Variants in KCNAB1 observed in about 807,000 individuals in gnomAD.
KCNAB1 encodes potassium voltage-gated channel subfamily A regulatory beta subunit 1.
Under a neutral mutation model 64.6 loss-of-function variants are expected in KCNAB1, and 35 were observed. The observed-to-expected ratio is 0.54, with a 90% confidence interval of 0.41 to 0.72. KCNAB1 has a LOEUF of 0.72. KCNAB1 is among the 30% of genes least tolerant of loss of function. The pLI, the probability that KCNAB1 is intolerant of heterozygous loss-of-function variation, is 0.00. For synonymous variants in KCNAB1, 177 were observed against 183.8 expected (o/e 0.96, Z 0.30); for missense variants, 401 against 512.9 (o/e 0.78, Z 2.11).
intron 8 of KCNAB1, among the ~76,000 whole-genome samples, chr3:156,505,848 G>C (rs180825525): frequency 1.5e-3 from 225 of 152,212 alleles, no homozygotes; most frequent in African/African-American, 5.0e-3. Flanking sequence ...GGGAGTAAGA[G>C]AGAGAGAAAA....
chr3:156,315,068 G>A (rs1722186922), intron 1 of KCNAB1, among the ~76,000 whole-genome samples: 1 of 152,136 alleles, frequency 6.6e-6, no homozygotes, highest in Admixed American at 6.5e-5. Context: ...CTGGCATCAC[G>A]TAAGCAAGAG....
chr3:156,221,408 C>A (rs1239185029), intron 1 of KCNAB1, among the ~76,000 whole-genome samples: 1 of 152,152 alleles, frequency 6.6e-6, no homozygotes, highest in Non-Finnish European at 1.5e-5. Context: ...ATCAGATTAA[C>A]AGATTTCTCA....
chr3:156,361,981 C>T (rs139967702), intron 1 of KCNAB1, among the ~76,000 whole-genome samples: 2 of 152,286 alleles, frequency 1.3e-5, no homozygotes, highest in East Asian at 3.9e-4. Context: ...TATATTTATT[C>T]AACAAATATT....
chr3:156,402,225 C>T (rs111901013), intron 1 of KCNAB1, among the ~76,000 whole-genome samples: 43 of 151,016 alleles, frequency 2.8e-4, no homozygotes, highest in Non-Finnish European at 5.9e-4. Flanking sequence ...ACAATCTTAG[C>T]GTTTCATAAT....
rs1716601253 is a variant in KCNAB1 at position 156,232,641 on chromosome 3, G to A, written c.275+111755G>A. 2.0e-5 allele frequency among the ~76,000 whole-genome samples: 3 copies of A among 152,330 alleles called. 1 individual carries two copies. The highest frequency in any genetic ancestry group is 6.5e-5 in the Admixed American group (1 of 15,310). The stretch of plus-strand genomic sequence containing the variant: ...TCCTATCTTTGTGGATGTCCACAAG[G>A]CAGAAATGCAAAGGTGGTTTTTCAC... On this transcript the variant is annotated intron_variant, in intron 1 of 13. Coordinates refer to ENST00000490337, the MANE Select transcript of KCNAB1 (RefSeq NM_172160.3).
chr3:156,268,238 G>A (rs1456872190), intron 1 of KCNAB1, among the ~76,000 whole-genome samples: 9 of 152,096 alleles, frequency 5.9e-5, no homozygotes, highest in African/African-American at 1.9e-4. Flanking sequence ...ATTCCATTGT[G>A]TATGCGTGCC....
chr3:156,328,356 G>A (rs761782034), intron 1 of KCNAB1, among the ~76,000 whole-genome samples: 12 of 152,066 alleles, frequency 7.9e-5, no homozygotes, highest in African/African-American at 1.7e-4. Flanking sequence ...TTGAAAGAAC[G>A]TGTCGTTTCT....
chr3:156,496,006 C>G (rs1715984994), intron 8 of KCNAB1, among the ~76,000 whole-genome samples: 1 of 152,070 alleles, frequency 6.6e-6, no homozygotes, highest in Admixed American at 6.6e-5. Flanking sequence ...ATCACTGACT[C>G]CTTCCTACTG....
At chr3:156,291,763 C>T (rs911610810) in intron 1 of KCNAB1, 4 of 1,476,402 alleles carry the variant, frequency 2.7e-6, no homozygotes, top group East Asian at 2.5e-5. Context: ...GAAAGTCAGC[C>T]GCCAGGACTC....
intron 1 of KCNAB1, among the ~76,000 whole-genome samples, chr3:156,240,603 A>T (rs898105071): frequency 6.6e-6 from 1 of 152,158 alleles, no homozygotes; most frequent in Non-Finnish European, 1.5e-5. Context: ...TTGAGTTTCT[A>T]ATATAGCAGA....
intron 1 of KCNAB1, among the ~76,000 whole-genome samples, chr3:156,134,484 A>G (rs1366802668): frequency 3.3e-5 from 5 of 152,214 alleles, no homozygotes; most frequent in African/African-American, 1.2e-4. Flanking sequence ...CTCAACCAGG[A>G]GGTTTGAAAT....
chr3:156,463,863 G>GT (rs397726486), intron 6 of KCNAB1, 117 bp downstream of exon 6: 17,626 of 546,822 alleles, frequency 0.032, 2 homozygotes, highest in South Asian at 0.044. Flanking sequence ...AGGGTTTTTT[G>GT]TTTTTTTTTT....
chr3:156,515,027 T>C, intron 9 of KCNAB1, 73 bp from the exon 10 acceptor site: 1 of 1,418,874 alleles, frequency 7.0e-7, no homozygotes, highest in Non-Finnish European at 9.5e-7. Context: ...TAAACATTTC[T>C]CATGCATACA....
At chr3:156,283,085 A>T (rs1228750726) in intron 1 of KCNAB1, among the ~76,000 whole-genome samples, 1 of 151,602 alleles carries the variant, frequency 6.6e-6, no homozygotes, top group African/African-American at 2.4e-5. Flanking sequence ...TTTTGGCATG[A>T]TTTTGCAGCG....
intron 2 of KCNAB1, among the ~76,000 whole-genome samples, chr3:156,448,638 G>A (rs1711761974): frequency 6.6e-6 from 1 of 152,118 alleles, no homozygotes; most frequent in Admixed American, 6.5e-5. Context: ...GGCATAGCTG[G>A]GTGGGTACCC....
At chr3:156,240,492 AACC>A (rs1261499441) in intron 1 of KCNAB1, among the ~76,000 whole-genome samples, 1 of 152,196 alleles carries the variant, frequency 6.6e-6, no homozygotes. Flanking sequence ...CCACAGAGAC[AACC>A]ACTTTTGACG....
At chr3:156,246,803 A>C (rs76347529) in intron 1 of KCNAB1, among the ~76,000 whole-genome samples, 345 of 152,202 alleles carry the variant, frequency 2.3e-3, no homozygotes, top group African/African-American at 8.0e-3. Context: ...CATCTGCTGT[A>C]TTTGATCAGG....
chr3:156,445,166 C>T lies in KCNAB1; in HGVS notation c.320-7733C>T, dbSNP rs142646471. Among the ~76,000 whole-genome samples the T allele has an allele frequency of 9.7e-3, 1,483 of 152,154 alleles. 13 individuals carry two copies. The highest frequency in any genetic ancestry group is 0.028 in the South Asian group (134 of 4,796). On this transcript the variant is annotated intron_variant, in intron 2 of 13. Coordinates refer to ENST00000490337, the MANE Select transcript of KCNAB1 (RefSeq NM_172160.3). ...CAAAAATTGGCCGGGCACGGTGGCACGCGCCTGTAATCCCAGCTACTCAGG... is the reference window on the plus strand; with the variant it reads ...CAAAAATTGGCCGGGCACGGTGGCATGCGCCTGTAATCCCAGCTACTCAGG...
intron 1 of KCNAB1, among the ~76,000 whole-genome samples, chr3:156,413,880 A>G (rs1413062219): frequency 6.6e-6 from 1 of 152,222 alleles, no homozygotes; most frequent in Admixed American, 6.5e-5. Context: ...CTCGTACACA[A>G]TAACCATAAG....
Sources: gnomAD v4.1 joint callset for allele counts (sites outside exome capture counted in the v4.1 genomes callset) on GRCh38, gnomAD v4.1.1 for gene constraint, MANE v1.5 for transcripts, NCBI Gene and HGNC (gene_info 2026-07-23, HGNC 2026-07-21) for gene names.